Variants in CMTM6 observed in about 807,000 individuals in gnomAD.
CMTM6 encodes the protein CKLF like MARVEL transmembrane domain containing 6.
In CMTM6, 5 loss-of-function variants were observed where a neutral mutation model predicts 13.6. That is an observed-to-expected ratio of 0.37 (90% CI 0.19 to 0.77). CMTM6 has a LOEUF of 0.77. Among genes scored for constraint, CMTM6 ranks in the 30% least tolerant of loss-of-function variants. The pLI, the probability that CMTM6 is intolerant of heterozygous loss-of-function variation, is 0.50. For synonymous variants in CMTM6, 99 were observed against 84.5 expected (o/e 1.17, Z -0.94); for missense variants, 196 against 218.6 (o/e 0.90, Z 0.65).
At chr3:32,492,644 G>A (rs1406850130) in intron 1 of CMTM6, among the ~76,000 whole-genome samples, 8 of 152,180 alleles carry the variant, frequency 5.3e-5, no homozygotes, top group African/African-American at 1.7e-4. Flanking sequence ...ATAGCGACTA[G>A]GGAGCAGCAA....
chr3:32,496,225 C>CA (rs1348378613), intron 1 of CMTM6, among the ~76,000 whole-genome samples: 1 of 148,116 alleles, frequency 6.8e-6, no homozygotes, highest in Non-Finnish European at 1.5e-5. Flanking sequence ...AAAGTGTGGA[C>CA]ATTTACTAGC....
At chr3:32,484,599 GAC>G (rs1371533082) in intron 3 of CMTM6, among the ~76,000 whole-genome samples, 1 of 152,144 alleles carries the variant, frequency 6.6e-6, no homozygotes, top group Non-Finnish European at 1.5e-5. Context: ...ACACTGCAAT[GAC>G]ACAGTGACAT....
chr3:32,491,632 A>G, intron 2 of CMTM6, 78 bp downstream of exon 2: 3 of 1,283,246 alleles, frequency 2.3e-6, no homozygotes, highest in Non-Finnish European at 3.2e-6. Flanking sequence ...TTTTGAAAAC[A>G]TTACTGCTTT....
At position 32,483,972 on chromosome 3, in the gene CMTM6, T is replaced by C. The variant is rs1697179772; in HGVS notation, c.540A>G (p.Pro180=). Residue 180 remains proline, a synonymous_variant, in exon 4 of 4, where the codon CCA becomes CCG. Coordinates refer to ENST00000205636, the MANE Select transcript of CMTM6 (RefSeq NM_017801.3). ...CTCCCCAGAGTCTTTAGGCATTAAG[T>C]GGCTCAGTGAGGGCTTCAGCCCTAG... ...NTTRAEALTE[P]LNA 1.2e-6 allele frequency: 2 copies of C among 1,603,286 alleles called. No individual in the cohort carries two copies. The highest frequency in any genetic ancestry group is 2.3e-5 in the East Asian group (1 of 44,288).
At chr3:32,486,318 T>C (rs913026323) in intron 3 of CMTM6, among the ~76,000 whole-genome samples, 1 of 152,242 alleles carries the variant, frequency 6.6e-6, no homozygotes, top group Non-Finnish European at 1.5e-5. Context: ...AATTTACAAT[T>C]CCGAAACCCA....
intron 1 of CMTM6, among the ~76,000 whole-genome samples, chr3:32,500,236 A>T (rs945485573): frequency 6.6e-6 from 1 of 152,372 alleles, no homozygotes; most frequent in Non-Finnish European, 1.5e-5. Context: ...TAAAAAAATT[A>T]AACATTTAAA....
Position 32,483,434 on chromosome 3 carries a change from T to C in CMTM6, c.*526A>G, listed in dbSNP as rs547909602. Reference sequence around the variant, plus strand: ...AGTGAAATACAGTAAAGCCTGGTAATATATGTTAAGGAAAAAAACCTAGAC... The same window carrying C: ...AGTGAAATACAGTAAAGCCTGGTAACATATGTTAAGGAAAAAAACCTAGAC... On this transcript the variant is annotated 3_prime_UTR_variant, in exon 4 of 4. Transcript: ENST00000205636. 6 of 152,592 alleles carry C rather than the reference T, an allele frequency of 3.9e-5. No individual in the cohort carries two copies. Among genetic ancestry groups the C allele is most frequent in the African/African-American group, 1.4e-4 (6 of 41,564 alleles). The allele number at this position is 152,592 out of a possible 1,614,324, so 9.5% of individuals were successfully genotyped here.
At chr3:32,501,505 G>T (rs1202174568) in intron 1 of CMTM6, among the ~76,000 whole-genome samples, 1 of 152,144 alleles carries the variant, frequency 6.6e-6, no homozygotes, top group Non-Finnish European at 1.5e-5. Context: ...ATTATCACTT[G>T]CTTTCAAATG....
chr3:32,495,070 T>C (rs192710215), intron 1 of CMTM6, among the ~76,000 whole-genome samples: 1 of 152,054 alleles, frequency 6.6e-6, no homozygotes. Context: ...AGTTAAAAAA[T>C]AGTAATTCAA....
At position 32,482,716 on chromosome 3, in the gene CMTM6, CTTTTTT is replaced by C. The variant is rs10645914; in HGVS notation, c.*1238_*1243del. The stretch of plus-strand genomic sequence containing the variant: ...CTGGGCAGGGTTCCCTGGATATTTA[CTTTTTT>C]TTTTTTTTTTTTTTGCCAAAGACAA... On this transcript the variant is annotated 3_prime_UTR_variant, in exon 4 of 4. Transcript: ENST00000205636. 632 of 116,438 alleles carry C rather than the reference CTTTTTT, an allele frequency of 5.4e-3. 5 individuals are homozygous for C. Among genetic ancestry groups the C allele is most frequent in the African/African-American group, 0.02 (590 of 30,216 alleles). The allele number at this position is 116,438 out of a possible 1,614,324, so 7.2% of individuals were successfully genotyped here.
chr3:32,486,524 T>C (rs999803737), intron 3 of CMTM6, among the ~76,000 whole-genome samples: 1 of 152,222 alleles, frequency 6.6e-6, no homozygotes, highest in Non-Finnish European at 1.5e-5. Context: ...TTGTGTAATA[T>C]AGCATATGTA....
chr3:32,483,862 G>A lies in CMTM6; in HGVS notation c.*98C>T. On this transcript the variant is annotated 3_prime_UTR_variant, in exon 4 of 4. Coordinates refer to ENST00000205636, the MANE Select transcript of CMTM6 (RefSeq NM_017801.3). Reference sequence around the variant, plus strand: ...CTTCCCCTTGCTCTCCAAAAGAAGTGGTTTAAACAATTAACAAATTTTACA... The same window carrying A: ...CTTCCCCTTGCTCTCCAAAAGAAGTAGTTTAAACAATTAACAAATTTTACA... 1 of 1,224,720 alleles carries A rather than the reference G, an allele frequency of 8.2e-7. No individual in the cohort carries two copies. Among genetic ancestry groups the A allele is most frequent in the Non-Finnish European group, 1.1e-6 (1 of 923,150 alleles). 75.9% of individuals were successfully genotyped at this position (1,224,720 alleles called of 1,614,324 possible).
At chr3:32,497,948 G>A (rs1302494080) in intron 1 of CMTM6, among the ~76,000 whole-genome samples, 1 of 151,748 alleles carries the variant, frequency 6.6e-6, no homozygotes, top group African/African-American at 2.4e-5. Context: ...TCAAAAATAG[G>A]AAGAGAGAAA....
chr3:32,487,219 T>C (rs1321105906), intron 3 of CMTM6, among the ~76,000 whole-genome samples: 1 of 152,136 alleles, frequency 6.6e-6, no homozygotes, highest in Non-Finnish European at 1.5e-5. Flanking sequence ...AAAGATTACA[T>C]ATGGAGGTTT....
At chr3:32,484,603 C>T (rs1697186829) in intron 3 of CMTM6, among the ~76,000 whole-genome samples, 1 of 152,188 alleles carries the variant, frequency 6.6e-6, no homozygotes, top group African/African-American at 2.4e-5. Flanking sequence ...TGCAATGACA[C>T]AGTGACATGA....
chr3:32,499,168 G>A (rs1349241850), intron 1 of CMTM6, among the ~76,000 whole-genome samples: 1 of 152,098 alleles, frequency 6.6e-6, no homozygotes, highest in African/African-American at 2.4e-5. Context: ...CTCTTACAAA[G>A]GTTCAGATAT....
At position 32,494,305 on chromosome 3, in the gene CMTM6, G is replaced by A. The variant is rs542370455; in HGVS notation, c.139-2419C>T. The stretch of plus-strand genomic sequence containing the variant: ...GATGACCTAAGTCAGAGGCTAAAGG[G>A]AATTCCCTTCTCACTCCAGTCAGGC... On this transcript the variant is annotated intron_variant, in intron 1 of 3. Transcript: ENST00000205636. 2.0e-5 allele frequency among the ~76,000 whole-genome samples: 3 copies of A among 152,264 alleles called. No homozygotes were observed. The South Asian group carries it at 6.2e-4, about 32-fold the overall frequency.
intron 2 of CMTM6, among the ~76,000 whole-genome samples, chr3:32,490,101 C>T (rs929851352): frequency 5.9e-5 from 9 of 152,150 alleles, no homozygotes; most frequent in African/African-American, 2.2e-4. Context: ...CAAAAATTTG[C>T]TGGGTGTGGT....
intron 2 of CMTM6, among the ~76,000 whole-genome samples, chr3:32,488,827 C>G (rs1463234063): frequency 6.6e-6 from 1 of 152,176 alleles, no homozygotes; most frequent in African/African-American, 2.4e-5. Flanking sequence ...GGCATTACCT[C>G]ACAAGGCTCT....
Sources: allele counts gnomAD v4.1 joint callset (sites outside exome capture counted in the v4.1 genomes callset), GRCh38; gene constraint gnomAD v4.1.1; transcripts MANE v1.5; gene names NCBI Gene and HGNC (gene_info 2026-07-23, HGNC 2026-07-21).